The following CCT5 variants were observed in gnomAD, a reference collection of about 807,000 sequenced individuals.
CCT5 encodes T-complex protein 1 subunit epsilon.
Under a neutral mutation model 55.0 loss-of-function variants are expected in CCT5, and 6 were observed. That is an observed-to-expected ratio of 0.11 (90% confidence interval 0.06 to 0.22). The LOEUF (loss-of-function observed/expected upper bound fraction) is 0.22, where lower values mean the gene tolerates loss of function less well. CCT5 is among the 10% of genes least tolerant of loss of function. CCT5 has a pLI of 1.00. For synonymous variants in CCT5, 231 were observed against 243.7 expected (o/e 0.95, Z 0.49); for missense variants, 560 against 694.6 (o/e 0.81, Z 2.18).
chr5:10,249,923 A>AAAAAC, upstream of CCT5: 1 of 1,303,462 alleles, frequency 7.7e-7, no homozygotes, highest in Non-Finnish European at 9.9e-7. Flanking sequence ...AAAAAAAAAA[A>AAAAAC]AAAAAAAAAA....
chr5:10,261,335 T>G, intron 7 of CCT5: 1 of 595,276 alleles, frequency 1.7e-6, no homozygotes, highest in Non-Finnish European at 3.0e-6. Flanking sequence ...GGGCGCCGGG[T>G]GATAGATCTG....
Position 10,264,578 on chromosome 5 carries a change from C to T in CCT5, c.1499-78C>T. ...GTATTTCTTAAGTCTTACTGTGATT[C>T]CCTAAATCAGAAAGAGTTGGTTATT... On this transcript the variant is annotated intron_variant, in intron 10 of 10. Coordinates refer to ENST00000280326, the MANE Select transcript of CCT5 (RefSeq NM_012073.5). 9 of 968,546 alleles carry T rather than the reference C, an allele frequency of 9.3e-6. No individual in the cohort carries two copies. In the South Asian group the frequency reaches 1.2e-4, roughly 12 times the overall value. The allele number at this position is 968,546 out of a possible 1,614,324, so 60.0% of individuals were successfully genotyped here. A position where few individuals can be genotyped will look rare whatever the true frequency, so the allele number is the denominator to read the frequency against.
chr5:10,264,683 C>T lies in CCT5; in HGVS notation c.1526C>T (p.Thr509Ile). ...ATGAAGCAACAGCATGTCATAGAAA[C>T]CTTGATTGGCAAAAAGCAACAGATA... The part of the protein sequence containing the change: ...NDMKQQHVIE[T>I]LIGKKQQISL... The change falls in exon 11 of 11, where the codon ACC becomes ATC. Residue 509 changes from threonine to isoleucine, a missense_variant. Transcript: ENST00000280326. 6.2e-7 allele frequency: 1 copy of T among 1,613,564 alleles called. No homozygotes were observed. Among genetic ancestry groups the T allele is most frequent in the Non-Finnish European group, 8.5e-7 (1 of 1,179,546 alleles).
At chr5:10,256,547 C>T (rs532371102) in intron 4 of CCT5, among the ~76,000 whole-genome samples, 2 of 152,148 alleles carry the variant, frequency 1.3e-5, no homozygotes, top group Admixed American at 6.5e-5. Context: ...GGGACCCCAT[C>T]GCTACAAAAC....
At chr5:10,257,678 T>G (rs756590299) in intron 4 of CCT5, among the ~76,000 whole-genome samples, 8 of 152,234 alleles carry the variant, frequency 5.3e-5, no homozygotes, top group Non-Finnish European at 1.2e-4. Context: ...CAGTTCCTGG[T>G]TAGTGCTACA....
At chr5:10,256,287 C>T in intron 4 of CCT5, 134 bp downstream of exon 4, 1 of 834,892 alleles carries the variant, frequency 1.2e-6, no homozygotes, top group Non-Finnish European at 2.0e-6. Context: ...CTTGGTTTTG[C>T]TTTGTTTTTA....
upstream of CCT5, chr5:10,250,263 T>C (rs757194910): frequency 6.2e-7 from 1 of 1,600,578 alleles, no homozygotes; most frequent in Non-Finnish European, 8.5e-7. Context: ...TTTTGGGCCC[T>C]CCCGAGAAAG....
chr5:10,253,439 A>T (rs1218028189), intron 1 of CCT5, among the ~76,000 whole-genome samples: 1 of 151,996 alleles, frequency 6.6e-6, no homozygotes, highest in East Asian at 1.9e-4. Flanking sequence ...TTATTTTGTA[A>T]TGGGGTCTCG....
chr5:10,260,336 G>A (rs1246030437), intron 6 of CCT5, among the ~76,000 whole-genome samples: 2 of 152,230 alleles, frequency 1.3e-5, no homozygotes, highest in Non-Finnish European at 2.9e-5. Context: ...ATTAGTTTAT[G>A]GATCCACTGA....
chr5:10,259,409 A>G (rs1745846138), intron 6 of CCT5, among the ~76,000 whole-genome samples: 1 of 152,206 alleles, frequency 6.6e-6, no homozygotes, highest in South Asian at 2.1e-4. Flanking sequence ...AAGTTGTTGA[A>G]TGTACTCATT....
At chr5:10,255,788 T>C (rs1200738971) in intron 3 of CCT5, among the ~76,000 whole-genome samples, 167 bp from the exon 4 acceptor site, 1 of 152,248 alleles carries the variant, frequency 6.6e-6, no homozygotes, top group Admixed American at 6.5e-5. Context: ...TCGCTAGAAC[T>C]AAAACGAGGC....
At chr5:10,258,599 G>C in intron 6 of CCT5, 64 bp downstream of exon 6, 6 of 1,449,196 alleles carry the variant, frequency 4.1e-6, no homozygotes, top group Non-Finnish European at 5.8e-6. Flanking sequence ...GTTAGGTTTG[G>C]TTAGTAAATA....
chr5:10,258,528 T>C lies in CCT5; in HGVS notation c.866T>C (p.Ile289Thr). ...GAAAAGGAGAAATTTGAAGAGATGATTCAACAAGTAAGTCTTACCAGAGTC... is the reference window on the plus strand; with the variant it reads ...GAAAAGGAGAAATTTGAAGAGATGACTCAACAAGTAAGTCTTACCAGAGTC... ...KYEKEKFEEM[I>T]QQIKETGANL... The change falls in exon 6 of 11, where the codon ATT becomes ACT. Residue 289 changes from isoleucine (I) to threonine (T), a missense_variant. Transcript: ENST00000280326. 1.9e-6 allele frequency: 3 copies of C among 1,613,446 alleles called. No homozygotes were observed. The highest frequency in any genetic ancestry group is 2.2e-5 in the South Asian group (2 of 91,072).
At chr5:10,264,331 G>A (rs1417583502) in intron 10 of CCT5, among the ~76,000 whole-genome samples, 1 of 152,126 alleles carries the variant, frequency 6.6e-6, no homozygotes, top group African/African-American at 2.4e-5. Context: ...GTGGTCAGAT[G>A]GACTTACTTT....
chr5:10,253,603 G>C (rs1745536879), intron 1 of CCT5, among the ~76,000 whole-genome samples: 2 of 152,182 alleles, frequency 1.3e-5, no homozygotes, highest in Non-Finnish European at 2.9e-5. Flanking sequence ...GGTGTTGTAT[G>C]TTTACAGTTG....
At position 10,256,199 on chromosome 5, in the gene CCT5, G is replaced by A. The variant is rs758060249; in HGVS notation, c.530+46G>A. The A allele has an allele frequency of 2.6e-6, 4 of 1,524,604 alleles. No individual in the cohort carries two copies. The African/African-American group carries it at 5.5e-5, about 21-fold the overall frequency. 94.4% of individuals were successfully genotyped at this position (1,524,604 alleles called of 1,614,324 possible). On this transcript the variant is annotated intron_variant, in intron 4 of 10. Coordinates refer to ENST00000280326, the MANE Select transcript of CCT5 (RefSeq NM_012073.5). ...TGATTACCCATTTGTAGAGGAGGCA[G>A]TTTGTTTGCCATTTCTTAAAGGCAA...
At chr5:10,261,149 C>T in intron 7 of CCT5, 1 of 549,602 alleles carries the variant, frequency 1.8e-6, no homozygotes, top group Non-Finnish European at 3.3e-6. Flanking sequence ...TCACTTGGCC[C>T]TGTCGTTGAC....
chr5:10,264,805 G>A lies in CCT5; in HGVS notation c.*22G>A, dbSNP rs1746141777. The A allele has an allele frequency of 1.2e-6, 2 of 1,610,678 alleles. No individual in the cohort carries two copies. Among genetic ancestry groups the A allele is most frequent in the African/African-American group, 2.7e-5 (2 of 74,878 alleles). On this transcript the variant is annotated 3_prime_UTR_variant, in exon 11 of 11. Coordinates refer to ENST00000280326, the MANE Select transcript of CCT5 (RefSeq NM_012073.5). Reference sequence around the variant, plus strand: ...ATGAAGACATTGAGAAAACTATGTAGCAAGATCCACTTCTGTGATTAAGTA... The same window carrying A: ...ATGAAGACATTGAGAAAACTATGTAACAAGATCCACTTCTGTGATTAAGTA...
chr5:10,258,699 T>G (rs1024126197), intron 6 of CCT5, among the ~76,000 whole-genome samples, 164 bp downstream of exon 6: 1 of 152,248 alleles, frequency 6.6e-6, no homozygotes, highest in Non-Finnish European at 1.5e-5. Context: ...TAATTTTGTC[T>G]TAAAATGGTA....
Sources: allele counts gnomAD v4.1 joint callset (sites outside exome capture counted in the v4.1 genomes callset), GRCh38; gene constraint gnomAD v4.1.1; transcripts MANE v1.5; gene names NCBI Gene and HGNC (gene_info 2026-07-23, HGNC 2026-07-21).